Variants in CCNE2 observed in about 807,000 individuals in gnomAD.
The protein encoded by CCNE2 is G1/S-specific cyclin-E2.
In CCNE2, 18 loss-of-function variants were observed where a neutral mutation model predicts 56.8. The observed-to-expected ratio is 0.32, with a 90% CI of 0.22 to 0.47. CCNE2 has a LOEUF of 0.47. Ranked by LOEUF, CCNE2 falls within the 20% of genes least tolerant of loss-of-function variation. CCNE2 has a pLI of 1.00. For synonymous variants in CCNE2, 139 were observed against 149.2 expected, an observed-to-expected ratio of 0.93 and a Z score of 0.50; for missense variants, 371 against 467.1, an observed-to-expected ratio of 0.79 and a Z score of 1.90.
In CCNE2 at chr8:94,885,376, G is replaced by A. The variant is rs1023905646; in HGVS notation, c.696+87C>T. The A allele has an allele frequency of 9.4e-5, 101 of 1,069,222 alleles. No individual in the cohort carries two copies. The African/African-American group carries it at 1.3e-3, about 14-fold the overall frequency. The allele number at this position is 1,069,222 out of a possible 1,614,324, so 66.2% of individuals were successfully genotyped here. On this transcript the variant is annotated intron_variant, in intron 8 of 11. Transcript: ENST00000308108. The stretch of plus-strand genomic sequence containing the variant: ...TACCTCAGTTTTGACTTTTTACATT[G>A]TAGTATTTGAGATTCAATTATAACT...
chr8:94,892,977 A>T lies in CCNE2; in HGVS notation c.166-8T>A, dbSNP rs185306528. 704 of 1,487,088 alleles carry T rather than the reference A, an allele frequency of 4.7e-4. 5 individuals carry two copies. The African/African-American group carries it at 9.2e-3, about 19-fold the overall frequency. The allele number at this position is 1,487,088 out of a possible 1,614,324, so 92.1% of individuals were successfully genotyped here. Reference sequence around the variant, plus strand: ...TACAGGTGGCCAACAATTCTGTCATAAAAAAAAAGAAAAATATCAATTTGT... The same window carrying T: ...TACAGGTGGCCAACAATTCTGTCATTAAAAAAAAGAAAAATATCAATTTGT... On this transcript the variant is annotated splice_polypyrimidine_tract_variant and splice_region_variant and intron_variant, in intron 4 of 11. Transcript: ENST00000308108.
upstream of CCNE2, chr8:94,895,283 C>A (rs1586562530): frequency 2.0e-6 from 2 of 983,810 alleles, no homozygotes; most frequent in Non-Finnish European, 2.4e-6. Context: ...CACCTCCGGA[C>A]AGCGCGCTCC....
intron 11 of CCNE2, 55 bp from the exon 12 acceptor site, chr8:94,881,800 T>A (rs1563678287): frequency 6.2e-7 from 1 of 1,603,126 alleles, no homozygotes; most frequent in Non-Finnish European, 8.5e-7. Flanking sequence ...CAAACCAGAC[T>A]TCTGGGTACT....
rs754771951 is a variant in CCNE2, at chr8:94,892,852, G to T, written c.283C>A (p.Leu95Ile). Residue 95 changes from leucine (L) to isoleucine (I), a missense_variant, in exon 5 of 12, where the codon CTT (leucine) becomes ATT (isoleucine). Leu to Ile is a conservative substitution (Grantham distance 5). Transcript: ENST00000308108. ...SRFTNYRFKNLFINPSPLPDL... is the reference protein window; with the variant it reads ...SRFTNYRFKNIFINPSPLPDL... Reference sequence around the variant, plus strand: ...GGCAAAGGTGAAGGATTAATAAAAAGATTTTTAAATCTGTAATTTGTAAAT... The same window carrying T: ...GGCAAAGGTGAAGGATTAATAAAAATATTTTTAAATCTGTAATTTGTAAAT... 1.8e-5 allele frequency: 26 copies of T among 1,478,476 alleles called. No homozygotes were observed. Among genetic ancestry groups the T allele is most frequent in the Middle Eastern group, 3.5e-4 (2 of 5,716 alleles). 91.6% of individuals were successfully genotyped at this position (1,478,476 alleles called of 1,614,324 possible). A position where few individuals can be genotyped will look rare whatever the true frequency, so the allele number is the denominator to read the frequency against.
At chr8:94,894,269 C>T in intron 1 of CCNE2, 22 bp from the exon 2 acceptor site, 14 of 1,611,246 alleles carry the variant, frequency 8.7e-6, no homozygotes, top group African/African-American at 1.3e-5. Flanking sequence ...AGAGGAAAAG[C>T]CGCAGTCAAG....
chr8:94,882,585 T>G (rs1816864707), intron 10 of CCNE2, among the ~76,000 whole-genome samples, 196 bp downstream of exon 10: 1 of 152,246 alleles, frequency 6.6e-6, no homozygotes, highest in Non-Finnish European at 1.5e-5. Context: ...TCAACTGTAT[T>G]TAAATTCCAT....
intron 5 of CCNE2, chr8:94,891,767 A>C: frequency 1.5e-6 from 2 of 1,301,348 alleles, no homozygotes; most frequent in Non-Finnish European, 2.2e-6. Context: ...AGGTGTACCC[A>C]GGCCAAGCAG....
At position 94,893,960 on chromosome 8, in the gene CCNE2, G is replaced by C; in HGVS notation, c.112-16C>G. 2.5e-6 allele frequency: 4 copies of C among 1,613,434 alleles called. No individual in the cohort carries two copies. The highest frequency in any genetic ancestry group is 3.4e-6 in the Non-Finnish European group (4 of 1,179,714). On this transcript the variant is annotated splice_polypyrimidine_tract_variant and intron_variant, in intron 3 of 11. Transcript: ENST00000308108. Reference sequence around the variant, plus strand: ...TTTTGACATCCTGGAAAATAGAAAAGACCATTGGTAAACTAAAGTCCCAGC... The same window carrying C: ...TTTTGACATCCTGGAAAATAGAAAACACCATTGGTAAACTAAAGTCCCAGC...
rs28399582 is a variant in CCNE2, at chr8:94,883,692, C to T, written c.832-800G>A. 2.5e-3 allele frequency: 622 copies of T among 248,766 alleles called. 7 individuals carry two copies. The highest frequency in any genetic ancestry group is 0.018 in the Middle Eastern group (27 of 1,496). 15.4% of individuals were successfully genotyped at this position (248,766 alleles called of 1,614,324 possible). ...TCAAAGTTCCATTTTAAGAAAGATA[C>T]CTTAGAATGCAGTGAAGCAGACAGA... On this transcript the variant is annotated intron_variant, in intron 9 of 11. Coordinates refer to ENST00000308108, the MANE Select transcript of CCNE2 (RefSeq NM_057749.3).
intron 5 of CCNE2, 104 bp from the exon 6 acceptor site, chr8:94,890,654 A>G (rs529774637): frequency 0.014 from 3,956 of 273,658 alleles, 69 homozygotes; most frequent in African/African-American, 0.023. Context: ...GTGCAGCGGC[A>G]CAATCTTGGC....
rs1485784384 is a variant in CCNE2, at chr8:94,890,435, G to C, written c.433C>G (p.Leu145Val). The C allele has an allele frequency of 1.2e-6, 2 of 1,601,402 alleles. No homozygotes were observed. Among genetic ancestry groups the C allele is most frequent in the Non-Finnish European group, 1.7e-6 (2 of 1,174,164 alleles). Residue 145 changes from leucine (L) to valine (V), a missense_variant, in exon 6 of 12, where the codon CTT (leucine) becomes GTT (valine). Transcript: ENST00000308108. ...SDLEPQMRSI[L>V]LDWLLEVCEV... The stretch of plus-strand genomic sequence containing the variant: ...CATACCTCTAAAAGCCAGTCTAGAA[G>C]TATGGACCTCATCTGTGGTTCCAAG...
At chr8:94,891,228 A>G (rs1817228051) in intron 5 of CCNE2, 1 of 171,952 alleles carries the variant, frequency 5.8e-6, no homozygotes, top group Non-Finnish European at 1.3e-5. Flanking sequence ...GGTCTGAAGT[A>G]ATCTGTGAAA....
chr8:94,883,709 GCAGA>G (rs1340716584), intron 9 of CCNE2: 6 of 274,430 alleles, frequency 2.2e-5, no homozygotes, highest in African/African-American at 8.7e-5. Flanking sequence ...ATGCAGTGAA[GCAGA>G]CAGACTAGAA....
chr8:94,887,572 T>A (rs1817085635), intron 7 of CCNE2, among the ~76,000 whole-genome samples: 1 of 152,176 alleles, frequency 6.6e-6, no homozygotes, highest in South Asian at 2.1e-4. Flanking sequence ...TTTCATTTCA[T>A]TTTATTAGCT....
Position 94,881,514 on chromosome 8 carries a change from T to G in CCNE2, c.*118A>C. 3 of 917,496 alleles carry G rather than the reference T, an allele frequency of 3.3e-6. No individual in the cohort carries two copies. The highest frequency in any genetic ancestry group is 4.9e-6 in the Non-Finnish European group (3 of 612,566). The allele number at this position is 917,496 out of a possible 1,614,324, so 56.8% of individuals were successfully genotyped here. On this transcript the variant is annotated 3_prime_UTR_variant, in exon 12 of 12. Coordinates refer to ENST00000308108, the MANE Select transcript of CCNE2 (RefSeq NM_057749.3). ...TTTAAAATCAGAATGGCAGTGTAAC[T>G]TGTGAATTGGCTAGGGCAATCAATC...
rs1177138241 is a variant in CCNE2, at chr8:94,886,542, A to T, written c.601-984T>A. Among the ~76,000 whole-genome samples the T allele has an allele frequency of 2.0e-5, 3 of 150,742 alleles. 1 individual carries two copies. The highest frequency in any genetic ancestry group is 2.0e-4 in the Admixed American group (3 of 15,146). On this transcript the variant is annotated intron_variant, in intron 7 of 11. Transcript: ENST00000308108. ...AGCAACAAAGAGAAACGCTGTCCCT[A>T]CAAGAAAAAATAGCCAGGCATGGTG...
At chr8:94,887,591 T>G (rs1031484139) in intron 7 of CCNE2, among the ~76,000 whole-genome samples, 1 of 152,232 alleles carries the variant, frequency 6.6e-6, no homozygotes, top group African/African-American at 2.4e-5. Flanking sequence ...CTGTTTAGTT[T>G]TCAAAGGTCA....
At chr8:94,882,628 G>A (rs749743395) in intron 10 of CCNE2, among the ~76,000 whole-genome samples, 153 bp downstream of exon 10, 1 of 152,142 alleles carries the variant, frequency 6.6e-6, no homozygotes, top group Non-Finnish European at 1.5e-5. Context: ...TTCAGGATTG[G>A]AAAGTACTTC....
intron 9 of CCNE2, 21 bp downstream of exon 9, chr8:94,885,045 GA>G: frequency 6.2e-7 from 1 of 1,604,940 alleles, no homozygotes; most frequent in South Asian, 1.1e-5. Context: ...CATTACCATT[GA>G]ATCAATAAAA....
Sources: allele counts gnomAD v4.1 joint callset (sites outside exome capture counted in the v4.1 genomes callset), GRCh38; gene constraint gnomAD v4.1.1; transcripts MANE v1.5; gene names NCBI Gene and HGNC (gene_info 2026-07-23, HGNC 2026-07-21).